Variants in LRP1B observed in about 807,000 individuals in gnomAD.
LRP1B encodes LDL receptor related protein 1B, also known as low-density lipoprotein receptor-related protein 1B.
A neutral mutation model predicts 556.6 loss-of-function variants in LRP1B; 217 were observed. The observed-to-expected ratio is 0.39, with a 90% CI of 0.35 to 0.44. The LOEUF (loss-of-function observed/expected upper bound fraction) is 0.44, where lower values mean the gene tolerates loss of function less well. Ranked by LOEUF, LRP1B falls within the 20% of genes least tolerant of loss-of-function variation. The probability of loss-of-function intolerance (pLI) is 1.00; values close to 1 mark genes in which losing one functional copy is unlikely to be tolerated. For synonymous variants in LRP1B, 2,047 were observed against 1,865.8 expected, an observed-to-expected ratio of 1.10 and a Z score of -2.50; for missense variants, 5,053 against 5,620.8, an observed-to-expected ratio of 0.90 and a Z score of 3.23.
chr2:141,751,324 T>C (rs1278002087), intron 2 of LRP1B, among the ~76,000 whole-genome samples: 1 of 152,182 alleles, frequency 6.6e-6, no homozygotes, highest in African/African-American at 2.4e-5. Context: ...TGAATAACTA[T>C]GTTTAAAATA....
At chr2:140,439,642 TATTTA>T (rs1470996611) in intron 66 of LRP1B, among the ~76,000 whole-genome samples, 1 of 152,094 alleles carries the variant, frequency 6.6e-6, no homozygotes, top group Non-Finnish European at 1.5e-5. Flanking sequence ...GGAAGTTATA[TATTTA>T]ATTTAATTTT....
At chr2:141,604,209 T>C (rs1222934992) in intron 2 of LRP1B, among the ~76,000 whole-genome samples, 1 of 152,160 alleles carries the variant, frequency 6.6e-6, no homozygotes, top group Non-Finnish European at 1.5e-5. Context: ...AATGAAACTA[T>C]TATATAAATT....
chr2:141,961,057 A>AT (rs1307087111), intron 1 of LRP1B, among the ~76,000 whole-genome samples: 13 of 151,708 alleles, frequency 8.6e-5, no homozygotes, highest in Non-Finnish European at 1.9e-4. Context: ...TAAATTCTTA[A>AT]TTTAGTTACT....
In LRP1B at chr2:140,930,841, C is replaced by A. The variant is rs557350457; in HGVS notation, c.3137-7694G>T. Among the ~76,000 whole-genome samples the A allele has an allele frequency of 4.6e-5, 7 of 152,208 alleles. No homozygotes were observed. In the South Asian group the frequency reaches 1.0e-3, roughly 23 times the overall value. On this transcript the variant is annotated intron_variant, in intron 20 of 90. Transcript: ENST00000389484. ...TTAATAATTCCTGCACTTAAGGCAG[C>A]CTTTTGCTTCAGATTTCTTCTCCAG...
chr2:141,312,083 T>C (rs1686831301), intron 3 of LRP1B, among the ~76,000 whole-genome samples: 1 of 152,166 alleles, frequency 6.6e-6, no homozygotes, highest in African/African-American at 2.4e-5. Context: ...CCTTGAATAA[T>C]ACTGGTTTGA....
At chr2:141,126,200 T>C (rs912632345) in intron 7 of LRP1B, among the ~76,000 whole-genome samples, 1 of 151,920 alleles carries the variant, frequency 6.6e-6, no homozygotes, top group Non-Finnish European at 1.5e-5. Context: ...CCTGACTAAT[T>C]TTTTTGTATT....
At chr2:141,222,421 T>C (rs774918695) in intron 6 of LRP1B, among the ~76,000 whole-genome samples, 10 of 152,142 alleles carry the variant, frequency 6.6e-5, no homozygotes, top group Non-Finnish European at 1.2e-4. Flanking sequence ...CAGGACCAGA[T>C]GGATTTACAG....
intron 7 of LRP1B, among the ~76,000 whole-genome samples, chr2:141,103,974 C>T (rs75638096): frequency 0.01 from 1,589 of 151,718 alleles, 27 homozygotes; most frequent in South Asian, 0.06. Flanking sequence ...TTTTCACGTT[C>T]GACATAATTT....
At chr2:140,652,078 A>T (rs746962194) in intron 41 of LRP1B, among the ~76,000 whole-genome samples, 1 of 152,164 alleles carries the variant, frequency 6.6e-6, no homozygotes, top group Non-Finnish European at 1.5e-5. Context: ...AGTAGCAGAA[A>T]GTCAAAAGGA....
chr2:141,553,793 AAT>A (rs1685847765), intron 2 of LRP1B, among the ~76,000 whole-genome samples: 4 of 139,610 alleles, frequency 2.9e-5, no homozygotes, highest in African/African-American at 7.9e-5. Context: ...AATATATAGA[AAT>A]ATATATTATA....
At chr2:140,834,700 A>C (rs965165742) in intron 31 of LRP1B, among the ~76,000 whole-genome samples, 1 of 152,186 alleles carries the variant, frequency 6.6e-6, no homozygotes, top group African/African-American at 2.4e-5. Context: ...CAACAGAGGA[A>C]AGAAGATGAA....
At chr2:140,646,618 T>C (rs1013014504) in intron 41 of LRP1B, among the ~76,000 whole-genome samples, 1 of 152,196 alleles carries the variant, frequency 6.6e-6, no homozygotes, top group Non-Finnish European at 1.5e-5. Context: ...ATAGCATTCA[T>C]ATTTTTTAAT....
intron 6 of LRP1B, among the ~76,000 whole-genome samples, chr2:141,227,531 A>G (rs944472464): frequency 2.0e-5 from 3 of 152,180 alleles, no homozygotes; most frequent in Non-Finnish European, 4.4e-5. Flanking sequence ...ATTATTATTT[A>G]ATATGAATGA....
intron 18 of LRP1B, among the ~76,000 whole-genome samples, chr2:140,964,906 A>G (rs2105320201): frequency 6.6e-6 from 1 of 152,284 alleles, no homozygotes; most frequent in Non-Finnish European, 1.5e-5. Flanking sequence ...GCGAGCTGAG[A>G]CTGCGTCATT....
intron 2 of LRP1B, among the ~76,000 whole-genome samples, chr2:141,737,531 T>C (rs1036396611): frequency 1.3e-5 from 2 of 152,162 alleles, no homozygotes; most frequent in Non-Finnish European, 2.9e-5. Context: ...TCAAGAAATA[T>C]AATAAATTAT....
At chr2:140,962,798 A>C (rs1033004680) in intron 18 of LRP1B, among the ~76,000 whole-genome samples, 2 of 152,104 alleles carry the variant, frequency 1.3e-5, no homozygotes, top group Non-Finnish European at 2.9e-5. Flanking sequence ...GTTGTTATTT[A>C]TTTCATTTCG....
In LRP1B at chr2:140,534,006, G is replaced by A. The variant is rs1158066769; in HGVS notation, c.7762+15C>T. On this transcript the variant is annotated intron_variant, in intron 47 of 90. Transcript: ENST00000389484. ...AGCACACCAATATTCTGAGATTGATGGAACAAGTATTTACCTTTACAATCT... is the reference window on the plus strand; with the variant it reads ...AGCACACCAATATTCTGAGATTGATAGAACAAGTATTTACCTTTACAATCT... The A allele has an allele frequency of 1.9e-6, 3 of 1,612,244 alleles. No individual in the cohort carries two copies. The East Asian group carries it at 6.7e-5, about 36-fold the overall frequency.
At chr2:141,202,100 G>C (rs551068150) in intron 6 of LRP1B, among the ~76,000 whole-genome samples, 1 of 152,202 alleles carries the variant, frequency 6.6e-6, no homozygotes, top group South Asian at 2.1e-4. Context: ...TATTCTTCCT[G>C]ATGCTCTCCC....
intron 32 of LRP1B, among the ~76,000 whole-genome samples, chr2:140,811,945 G>A (rs1690942405): frequency 6.6e-6 from 1 of 151,908 alleles, no homozygotes; most frequent in Non-Finnish European, 1.5e-5. Flanking sequence ...AAGAAAATTG[G>A]AGACTTAAAT....
Sources: allele counts gnomAD v4.1 joint callset (sites outside exome capture counted in the v4.1 genomes callset), GRCh38; gene constraint gnomAD v4.1.1; transcripts MANE v1.5; gene names NCBI Gene and HGNC (gene_info 2026-07-23, HGNC 2026-07-21).